STAG1: variants seen among roughly 807,000 people sequenced by gnomAD.
The protein encoded by STAG1 is cohesin subunit SA-1.
Under a neutral mutation model 170.9 loss-of-function variants are expected in STAG1, and 26 were observed. The ratio of observed to expected loss-of-function variants is 0.15; its 90% CI spans 0.11 to 0.21. The LOEUF (loss-of-function observed/expected upper bound fraction) is 0.21, where lower values mean the gene tolerates loss of function less well. Ranked by LOEUF, STAG1 falls within the 10% of genes least tolerant of loss-of-function variation. The pLI, the probability that STAG1 is intolerant of heterozygous loss-of-function variation, is 1.00. For synonymous variants in STAG1, 514 were observed against 497.7 expected (o/e 1.03, Z -0.44); for missense variants, 964 against 1,509.5 (o/e 0.64, Z 5.99).
chr3:136,568,703 G>T, intron 5 of STAG1, 62 bp downstream of exon 5: 1 of 1,181,598 alleles, frequency 8.5e-7, no homozygotes. Flanking sequence ...GGCAGGTGAA[G>T]TAAAAGTCAC....
intron 4 of STAG1, among the ~76,000 whole-genome samples, chr3:136,593,885 TTCTG>T (rs1372687856): frequency 1.3e-5 from 2 of 152,220 alleles, no homozygotes; most frequent in East Asian, 1.9e-4. Context: ...ATTACAGTAT[TTCTG>T]TCTTTCAATG....
intron 1 of STAG1, among the ~76,000 whole-genome samples, chr3:136,713,244 G>T (rs1009557195): frequency 6.6e-6 from 1 of 152,078 alleles, no homozygotes; most frequent in Non-Finnish European, 1.5e-5. Context: ...CCCACAACAT[G>T]GATGAATCTC....
Position 136,472,415 on chromosome 3 carries a change from A to C in STAG1, c.1203T>G (p.Leu401=), listed in dbSNP as rs1346635265. Residue 401 remains leucine, a splice_region_variant and synonymous_variant, in exon 12 of 34, where the codon CTT becomes CTG. Coordinates refer to ENST00000383202, the MANE Select transcript of STAG1 (RefSeq NM_005862.3). ...AAATAGTAATGGATATTACTTACTG[A>C]AGTATCAGAGTAACCAATCGAATAG... ...VEAIRLVTLI[L]HGSEEALSNE... 6.2e-7 allele frequency: 1 copy of C among 1,606,758 alleles called. No individual in the cohort carries two copies. Among genetic ancestry groups the C allele is most frequent in the East Asian group, 2.2e-5 (1 of 44,710 alleles).
chr3:136,587,526 A>G (rs1453502249), intron 4 of STAG1, among the ~76,000 whole-genome samples: 1 of 143,622 alleles, frequency 7.0e-6, no homozygotes, highest in Non-Finnish European at 1.5e-5. Flanking sequence ...GGGTAACAAG[A>G]ATGAAACTCC....
intron 1 of STAG1, among the ~76,000 whole-genome samples, chr3:136,641,709 T>G (rs1186396562): frequency 6.6e-6 from 1 of 152,228 alleles, no homozygotes; most frequent in African/African-American, 2.4e-5. Flanking sequence ...ACACACTGGA[T>G]CATGCACCAG....
chr3:136,381,642 A>G lies in STAG1; in HGVS notation c.2278-3890T>C, dbSNP rs1156421663. On this transcript the variant is annotated intron_variant, in intron 22 of 33. Coordinates refer to ENST00000383202, the MANE Select transcript of STAG1 (RefSeq NM_005862.3). ...GTCAGTGAAAAATAGGATGGGGCTG[A>G]TAGAAGTCTTTTAAGGTTGATGGAT... 2.0e-5 allele frequency among the ~76,000 whole-genome samples: 3 copies of G among 152,202 alleles called. No homozygotes were observed. The East Asian group carries it at 5.8e-4, about 29-fold the overall frequency.
In STAG1 at chr3:136,531,628, G is replaced by A. The variant is rs1178683372; in HGVS notation, c.472-10211C>T. ...CTTTGTAGGGACATGGATGAAATTG[G>A]AAATCATCATTCTCAGTAAACTATC... On this transcript the variant is annotated intron_variant, in intron 6 of 33. Coordinates refer to ENST00000383202, the MANE Select transcript of STAG1 (RefSeq NM_005862.3). Among the ~76,000 whole-genome samples the A allele has an allele frequency of 2.6e-5, 4 of 151,568 alleles. No individual in the cohort carries two copies. The South Asian group carries it at 6.3e-4, about 24-fold the overall frequency.
chr3:136,531,865 C>A (rs1935388961), intron 6 of STAG1, among the ~76,000 whole-genome samples: 1 of 143,544 alleles, frequency 7.0e-6, no homozygotes, highest in African/African-American at 2.6e-5. Context: ...ACATATGTAA[C>A]TAACCTGCAC....
At chr3:136,396,773 G>T (rs928129895) in intron 22 of STAG1, among the ~76,000 whole-genome samples, 2 of 143,726 alleles carry the variant, frequency 1.4e-5, no homozygotes, top group East Asian at 4.2e-4. Context: ...TGATCTGCCC[G>T]CCTCGGCCTC....
chr3:136,420,458 A>G (rs1021983513), intron 20 of STAG1, among the ~76,000 whole-genome samples: 3 of 152,084 alleles, frequency 2.0e-5, no homozygotes, highest in African/African-American at 7.2e-5. Flanking sequence ...TTGGCTTCCC[A>G]AAGTGCTGGG....
At chr3:136,387,934 T>C (rs567729295) in intron 22 of STAG1, among the ~76,000 whole-genome samples, 2 of 152,340 alleles carry the variant, frequency 1.3e-5, no homozygotes, top group Admixed American at 6.5e-5. Context: ...AGTGAGAGAC[T>C]TGAATTCCCA....
At chr3:136,446,718 T>C (rs1304033140) in intron 14 of STAG1, among the ~76,000 whole-genome samples, 2 of 151,724 alleles carry the variant, frequency 1.3e-5, no homozygotes, top group Non-Finnish European at 2.9e-5. Context: ...TCACAGTGCC[T>C]GGCCTCCCTT....
intron 25 of STAG1, among the ~76,000 whole-genome samples, chr3:136,365,020 G>A (rs748529884): frequency 6.6e-5 from 10 of 152,094 alleles, no homozygotes; most frequent in Non-Finnish European, 1.3e-4. Context: ...TACAAAAATT[G>A]GAGGAAAAGC....
chr3:136,702,143 G>A (rs931451554), intron 1 of STAG1, among the ~76,000 whole-genome samples: 4 of 97,466 alleles, frequency 4.1e-5, no homozygotes, highest in African/African-American at 3.0e-4. Context: ...GAGAGACAGA[G>A]AGACAGAGAG....
At chr3:136,674,201 A>T (rs554681479) in intron 1 of STAG1, among the ~76,000 whole-genome samples, 1 of 122,122 alleles carries the variant, frequency 8.2e-6, no homozygotes, top group African/African-American at 3.1e-5. Flanking sequence ...GAAGGAGGGA[A>T]GGAGGGAGGG....
At chr3:136,712,308 ACCCAGCCTACAGAGAACTTTT>A (rs1336414558) in intron 1 of STAG1, among the ~76,000 whole-genome samples, 2 of 152,064 alleles carry the variant, frequency 1.3e-5, no homozygotes, top group African/African-American at 4.8e-5. Context: ...GAGCCACCGC[ACCCAGCCTACAGAGAACTTTT>A]CTGCACCAAA....
intron 21 of STAG1, among the ~76,000 whole-genome samples, chr3:136,403,277 A>C (rs1056662892): frequency 2.0e-5 from 3 of 150,890 alleles, no homozygotes; most frequent in Admixed American, 2.0e-4. Flanking sequence ...AAAAAAAAGA[A>C]AAAGGAAAAG....
intron 6 of STAG1, among the ~76,000 whole-genome samples, chr3:136,528,618 C>T (rs112834262): frequency 6.0e-5 from 9 of 151,136 alleles, no homozygotes; most frequent in African/African-American, 1.5e-4. Flanking sequence ...AACAATTCAG[C>T]ATATAAACCA....
chr3:136,410,151 G>A (rs1017894576), intron 21 of STAG1, among the ~76,000 whole-genome samples: 14 of 150,968 alleles, frequency 9.3e-5, no homozygotes, highest in Non-Finnish European at 8.8e-5. Flanking sequence ...TGGAATCCCA[G>A]AACTCTGGGA....
Sources: allele counts gnomAD v4.1 joint callset (sites outside exome capture counted in the v4.1 genomes callset), GRCh38; gene constraint gnomAD v4.1.1; transcripts MANE v1.5; gene names NCBI Gene and HGNC (gene_info 2026-07-23, HGNC 2026-07-21).